SLC38A12: variants seen among roughly 807,000 people sequenced by gnomAD.
SLC38A12 encodes the protein solute carrier family 38 member 12.
the SLC38A12 span, among the ~76,000 whole-genome samples, chr17:74,812,729 C>A: frequency 6.6e-6 from 1 of 152,214 alleles, no homozygotes; most frequent in African/African-American, 2.4e-5. Context: ...CCACAGGTCT[C>A]TGTGCGTTTA....
At chr17:74,813,914 G>T in the SLC38A12 span, among the ~76,000 whole-genome samples, 1 of 152,320 alleles carries the variant, frequency 6.6e-6, no homozygotes, top group South Asian at 2.1e-4. Flanking sequence ...CTTAGTTCCA[G>T]TTGGAAGCTG....
At chr17:74,791,177 T>C in the SLC38A12 span, 1 of 674,848 alleles carries the variant, frequency 1.5e-6, no homozygotes. Flanking sequence ...CCTCAGCACC[T>C]GAGAAGCCAC....
chr17:74,777,117 C>T, the SLC38A12 span: 2 of 627,184 alleles, frequency 3.2e-6, no homozygotes, highest in Non-Finnish European at 2.8e-6. Context: ...CAGGGTGACC[C>T]CTCCCTCGGG....
At chr17:74,791,039 A>G in the SLC38A12 span, 20 of 1,612,770 alleles carry the variant, frequency 1.2e-5, no homozygotes, top group East Asian at 2.2e-5. Context: ...CAATAAAGGT[A>G]GAAGTTCTTT....
chr17:74,780,784 C>T, the SLC38A12 span, among the ~76,000 whole-genome samples: 2 of 152,234 alleles, frequency 1.3e-5, no homozygotes, highest in African/African-American at 4.8e-5. Flanking sequence ...CCACTAAACA[C>T]ACAGGGCTTG....
the SLC38A12 span, among the ~76,000 whole-genome samples, chr17:74,780,103 C>T: frequency 5.3e-5 from 8 of 152,186 alleles, no homozygotes; most frequent in Admixed American, 2.0e-4. Flanking sequence ...AAGGGTCGGC[C>T]GCTGAGGGTG....
the SLC38A12 span, among the ~76,000 whole-genome samples, chr17:74,811,282 A>T: frequency 6.6e-6 from 1 of 152,124 alleles, no homozygotes; most frequent in East Asian, 1.9e-4. Flanking sequence ...GTGAATCATG[A>T]TCACACTACT....
At chr17:74,795,567 AAATAC>A in the SLC38A12 span, 3 of 1,614,102 alleles carry the variant, frequency 1.9e-6, no homozygotes. Context: ...AGCAGACACC[AAATAC>A]AATGACACTG....
At chr17:74,800,642 C>T in the SLC38A12 span, among the ~76,000 whole-genome samples, 1 of 152,362 alleles carries the variant, frequency 6.6e-6, no homozygotes, top group African/African-American at 2.4e-5. Flanking sequence ...GCAGCAGTGA[C>T]TTCACTGGAC....
At chr17:74,807,327 C>T in the SLC38A12 span, among the ~76,000 whole-genome samples, 15 of 152,232 alleles carry the variant, frequency 9.9e-5, no homozygotes, top group Non-Finnish European at 1.8e-4. Context: ...GCACGGGCTG[C>T]GTCTCGTTCA....
At chr17:74,834,968 C>G in the SLC38A12 span, among the ~76,000 whole-genome samples, 1 of 152,204 alleles carries the variant, frequency 6.6e-6, no homozygotes, top group Non-Finnish European at 1.5e-5. Flanking sequence ...GGAACACAGC[C>G]CCTTGTCCCT....
At chr17:74,790,265 G>C in the SLC38A12 span, 3 of 1,614,140 alleles carry the variant, frequency 1.9e-6, no homozygotes, top group South Asian at 2.2e-5. Flanking sequence ...ACAACTACGA[G>C]CGGGCAGAGA....
the SLC38A12 span, chr17:74,791,141 G>A: frequency 3.0e-6 from 3 of 990,496 alleles, no homozygotes; most frequent in African/African-American, 4.8e-5. Flanking sequence ...CCAGACCATG[G>A]GGCAGAGCAG....
the SLC38A12 span, among the ~76,000 whole-genome samples, chr17:74,782,051 G>T: frequency 4.4e-4 from 67 of 152,130 alleles, no homozygotes; most frequent in Non-Finnish European, 6.2e-4. Context: ...TTCTCACAGT[G>T]CCCTGATTGT....
the SLC38A12 span, among the ~76,000 whole-genome samples, chr17:74,818,192 C>T: frequency 1.0e-3 from 152 of 152,298 alleles, 1 homozygote; most frequent in African/African-American, 3.4e-3. Context: ...GAGGGGACGG[C>T]GGAGGCTGTC....
the SLC38A12 span, among the ~76,000 whole-genome samples, chr17:74,829,050 A>T: frequency 6.6e-6 from 1 of 152,224 alleles, no homozygotes; most frequent in Non-Finnish European, 1.5e-5. This position sits in a 1 kb window ranked among gnomAD's most constrained non-coding sequence, Gnocchi z 4.1. Context: ...AATACTTAAC[A>T]TATCAAAAAT....
chr17:74,780,205 C>T, the SLC38A12 span, among the ~76,000 whole-genome samples: 2 of 152,194 alleles, frequency 1.3e-5, no homozygotes, highest in South Asian at 2.1e-4. Flanking sequence ...TCATTGCTTC[C>T]GCATCTTTGC....
the SLC38A12 span, among the ~76,000 whole-genome samples, chr17:74,784,580 A>G: frequency 6.6e-6 from 1 of 150,486 alleles, no homozygotes; most frequent in South Asian, 2.2e-4. Flanking sequence ...AAGGAAGCAG[A>G]TGATGCCAAA....
chr17:74,777,670 AG>A, the SLC38A12 span: 6 of 1,317,100 alleles, frequency 4.6e-6, no homozygotes, highest in East Asian at 2.7e-4. Flanking sequence ...CTGTAATCCC[AG>A]CACTTTGGGA....
Sources: allele counts gnomAD v4.1 joint callset (sites outside exome capture counted in the v4.1 genomes callset), GRCh38; gene constraint gnomAD v4.1.1; non-coding constraint Gnocchi (gnomAD v3.1); transcripts MANE v1.5; gene names NCBI Gene and HGNC (gene_info 2026-07-23, HGNC 2026-07-21).